Variants in CTNNA3 observed in about 807,000 individuals in gnomAD.
The protein encoded by CTNNA3 is catenin alpha-3.
CTNNA3 carries 76 observed loss-of-function variants against 95.7 expected under a neutral mutation model. The ratio of observed to expected loss-of-function variants is 0.79; its 90% CI spans 0.66 to 0.96. The LOEUF is 0.96. CTNNA3 is among the 40% of genes least tolerant of loss of function. The probability of loss-of-function intolerance (pLI) is 0.00; values close to 1 mark genes in which losing one functional copy is unlikely to be tolerated. For missense variants in CTNNA3, 1,191 were observed against 1,089.8 expected, an observed-to-expected ratio of 1.09 and a Z score of -1.31; for synonymous variants, 431 against 374.4, an observed-to-expected ratio of 1.15 and a Z score of -1.74.
chr10:67,472,292 G>T (rs972302383), intron 5 of CTNNA3, among the ~76,000 whole-genome samples: 7 of 152,052 alleles, frequency 4.6e-5, no homozygotes, highest in Non-Finnish European at 8.8e-5. Flanking sequence ...TCTATACATA[G>T]AATTACATTT....
intron 10 of CTNNA3, among the ~76,000 whole-genome samples, chr10:66,565,069 T>C (rs1377761022): frequency 2.0e-5 from 3 of 152,100 alleles, no homozygotes; most frequent in Non-Finnish European, 4.4e-5. Context: ...AATTACTGAG[T>C]CATAAAACAA....
intron 1 of CTNNA3, among the ~76,000 whole-genome samples, chr10:67,671,919 CCT>C (rs1840443259): frequency 6.6e-6 from 1 of 152,032 alleles, no homozygotes. Flanking sequence ...GTTCTAGACC[CCT>C]GAGGAATCGC....
At chr10:66,308,445 A>C (rs2091960112) in intron 12 of CTNNA3, among the ~76,000 whole-genome samples, 1 of 152,190 alleles carries the variant, frequency 6.6e-6, no homozygotes, top group African/African-American at 2.4e-5. Context: ...CAATATGCCA[A>C]ATGACTTTAT....
chr10:66,955,723 T>C (rs1305478250), intron 7 of CTNNA3, among the ~76,000 whole-genome samples: 1 of 152,158 alleles, frequency 6.6e-6, no homozygotes, highest in Non-Finnish European at 1.5e-5. Context: ...CAGCCTCCAT[T>C]GTTCTTCCTC....
intron 11 of CTNNA3, among the ~76,000 whole-genome samples, chr10:66,513,621 G>C (rs1009339024): frequency 8.5e-5 from 13 of 152,180 alleles, no homozygotes; most frequent in African/African-American, 3.1e-4. Context: ...ATCCCAGACA[G>C]GGCAGTCCTT....
intron 15 of CTNNA3, among the ~76,000 whole-genome samples, chr10:66,068,421 G>A (rs2080360053): frequency 6.6e-6 from 1 of 151,996 alleles, no homozygotes; most frequent in Admixed American, 6.6e-5. Context: ...TATTTTGTAT[G>A]TAATTTTCAT....
intron 5 of CTNNA3, among the ~76,000 whole-genome samples, chr10:67,299,176 C>G (rs1362542971): frequency 6.6e-6 from 1 of 152,028 alleles, no homozygotes; most frequent in Non-Finnish European, 1.5e-5. Flanking sequence ...TGGTACTAAT[C>G]TCTGACATTC....
chr10:66,030,294 A>G (rs12571522), intron 15 of CTNNA3, among the ~76,000 whole-genome samples: 16,398 of 152,122 alleles, frequency 0.11, 1,047 homozygotes, highest in Non-Finnish European at 0.15. Flanking sequence ...CAAAGCAGAA[A>G]ACATCACATT....
rs1269161723 is a variant in CTNNA3, at chr10:67,016,106, C to A, written c.1047+164211G>T. On this transcript the variant is annotated intron_variant, in intron 7 of 17. Coordinates refer to ENST00000433211, the MANE Select transcript of CTNNA3 (RefSeq NM_013266.4). ...TATTTGTTGTGATATACACTTGTGT[C>A]ATTTATTTGCTTGTTTTCCTCTCCA... is the stretch of plus-strand genomic sequence containing the variant. 2.0e-5 allele frequency among the ~76,000 whole-genome samples: 3 copies of A among 152,064 alleles called. No homozygotes were observed. The East Asian group carries it at 5.8e-4, about 29-fold the overall frequency.
At chr10:66,947,283 C>T (rs1019886943) in intron 7 of CTNNA3, among the ~76,000 whole-genome samples, 3 of 152,144 alleles carry the variant, frequency 2.0e-5, no homozygotes, top group African/African-American at 2.4e-5. Flanking sequence ...TGTACAGATG[C>T]ATTTCTTGAG....
intron 13 of CTNNA3, among the ~76,000 whole-genome samples, chr10:66,116,425 T>C (rs898527719): frequency 7.2e-5 from 11 of 152,200 alleles, no homozygotes; most frequent in African/African-American, 2.7e-4. Flanking sequence ...CAGACTTGTA[T>C]ACAAATATTT....
At chr10:66,581,169 C>A (rs1040047948) in intron 10 of CTNNA3, among the ~76,000 whole-genome samples, 2 of 151,756 alleles carry the variant, frequency 1.3e-5, no homozygotes, top group African/African-American at 4.8e-5. Context: ...AGGTTGACTG[C>A]ATATCTTTGC....
intron 11 of CTNNA3, among the ~76,000 whole-genome samples, chr10:66,410,979 G>A (rs1481997440): frequency 2.0e-5 from 3 of 152,150 alleles, no homozygotes; most frequent in Non-Finnish European, 4.4e-5. Flanking sequence ...AATTACCCAA[G>A]ATGGCATAAT....
chr10:67,234,081 G>C (rs1865345206), intron 5 of CTNNA3, among the ~76,000 whole-genome samples: 1 of 152,136 alleles, frequency 6.6e-6, no homozygotes, highest in Admixed American at 6.5e-5. Context: ...TTCTACAAGA[G>C]GTACAAGGAG....
intron 11 of CTNNA3, among the ~76,000 whole-genome samples, chr10:66,517,392 A>T (rs1400948404): frequency 1.3e-5 from 2 of 152,054 alleles, no homozygotes; most frequent in African/African-American, 4.8e-5. Context: ...TCGGCACAAG[A>T]TATAGGTCAT....
chr10:66,722,564 A>G (rs748248490), intron 9 of CTNNA3, among the ~76,000 whole-genome samples: 14 of 147,804 alleles, frequency 9.5e-5, no homozygotes, highest in Admixed American at 1.3e-4. Context: ...AGGTTTATCA[A>G]CTCCCTCCCC....
chr10:67,120,885 A>G (rs1276897034), intron 7 of CTNNA3, among the ~76,000 whole-genome samples: 4 of 152,082 alleles, frequency 2.6e-5, no homozygotes, highest in African/African-American at 9.7e-5. Flanking sequence ...GGTGAGTTGC[A>G]ATATTGTACC....
At chr10:67,152,828 TAA>T (rs1380724759) in intron 7 of CTNNA3, among the ~76,000 whole-genome samples, 1 of 152,174 alleles carries the variant, frequency 6.6e-6, no homozygotes, top group Admixed American at 6.5e-5. Context: ...AGAAGGAATC[TAA>T]GTTTTTTATA....
chr10:67,251,589 T>C (rs1866111330), intron 5 of CTNNA3, among the ~76,000 whole-genome samples: 1 of 152,100 alleles, frequency 6.6e-6, no homozygotes, highest in East Asian at 1.9e-4. Flanking sequence ...AAACTCAGAC[T>C]TGAAGGATGC....
Sources: allele counts gnomAD v4.1 joint callset (sites outside exome capture counted in the v4.1 genomes callset), GRCh38; gene constraint gnomAD v4.1.1; transcripts MANE v1.5; gene names NCBI Gene and HGNC (gene_info 2026-07-23, HGNC 2026-07-21).